The following HDGFL3 variants were observed in gnomAD, a reference collection of about 807,000 sequenced individuals.
HDGFL3 encodes HDGF like 3.
Under a neutral mutation model 27.6 loss-of-function variants are expected in HDGFL3, and 6 were observed. The observed-to-expected ratio is 0.22, with a 90% CI of 0.12 to 0.43. HDGFL3 has a LOEUF of 0.43. HDGFL3 is among the 20% of genes least tolerant of loss of function. The pLI is 1.00. For missense variants in HDGFL3, 207 were observed against 250.1 expected, an observed-to-expected ratio of 0.83 and a Z score of 1.16; for synonymous variants, 88 against 88.9, an observed-to-expected ratio of 0.99 and a Z score of 0.05.
intron 3 of HDGFL3, chr15:83,119,805 T>A: frequency 1.4e-6 from 2 of 1,473,838 alleles, no homozygotes; most frequent in Non-Finnish European, 1.8e-6. Flanking sequence ...ATAAGTTCCA[T>A]GGGTGCACGT....
intron 1 of HDGFL3, among the ~76,000 whole-genome samples, chr15:83,191,468 A>G (rs1009591372): frequency 1.3e-5 from 2 of 152,226 alleles, no homozygotes; most frequent in African/African-American, 2.4e-5. Context: ...TAAGATGTCA[A>G]TTCTTCCCAT....
intron 1 of HDGFL3, among the ~76,000 whole-genome samples, chr15:83,204,051 G>A (rs779204083): frequency 2.0e-5 from 3 of 148,586 alleles, no homozygotes; most frequent in Non-Finnish European, 4.5e-5. Flanking sequence ...GCTATTTAAT[G>A]TTAGAATAAT....
chr15:83,207,198 C>T lies in HDGFL3; in HGVS notation c.84+133G>A. On this transcript the variant is annotated intron_variant, in intron 1 of 5. Coordinates refer to ENST00000299633, the MANE Select transcript of HDGFL3 (RefSeq NM_016073.4). The surrounding 1 kb of genome is among the most constrained non-coding windows in gnomAD (Gnocchi z 4.8). ...CGGCCCGGTCTTCTTCGTGCCGCGCCGCCCTCAGCCCTCACCACAGCCGGC... is the reference window on the plus strand; with the variant it reads ...CGGCCCGGTCTTCTTCGTGCCGCGCTGCCCTCAGCCCTCACCACAGCCGGC... 1.9e-6 allele frequency: 1 copy of T among 515,950 alleles called. No individual in the cohort carries two copies. The highest frequency in any genetic ancestry group is 3.0e-6 in the Non-Finnish European group (1 of 333,666). 32.0% of individuals were successfully genotyped at this position (515,950 alleles called of 1,614,324 possible).
At chr15:83,140,058 G>A (rs11858377) in intron 5 of HDGFL3, among the ~76,000 whole-genome samples, 37,746 of 151,918 alleles carry the variant, frequency 0.25, 5,023 homozygotes, top group African/African-American at 0.34. Context: ...TATTTTTTCT[G>A]AAAACAGCCT....
chr15:83,161,225 C>T (rs1477587686), intron 2 of HDGFL3, among the ~76,000 whole-genome samples: 1 of 152,140 alleles, frequency 6.6e-6, no homozygotes, highest in Non-Finnish European at 1.5e-5. Context: ...TTTTTTTGGG[C>T]AGGGGAGAAA....
At chr15:83,121,928 T>C in intron 3 of HDGFL3, 1 of 1,605,460 alleles carries the variant, frequency 6.2e-7, no homozygotes, top group Non-Finnish European at 8.5e-7. Context: ...CAGGGAAACT[T>C]ATAGAACCAT....
At chr15:83,175,655 C>T (rs747822143) in intron 1 of HDGFL3, among the ~76,000 whole-genome samples, 3 of 152,234 alleles carry the variant, frequency 2.0e-5, no homozygotes, top group Admixed American at 1.3e-4. Context: ...GTCAGGAGAT[C>T]GAGACCATCC....
intron 3 of HDGFL3, among the ~76,000 whole-genome samples, chr15:83,118,226 T>C (rs1272355643): frequency 1.4e-5 from 2 of 143,526 alleles, no homozygotes; most frequent in South Asian, 2.2e-4. Context: ...CCTGTCTCTG[T>C]ACGTACACAC....
chr15:83,116,273 A>G (rs1397547792), intron 3 of HDGFL3, among the ~76,000 whole-genome samples: 1 of 152,232 alleles, frequency 6.6e-6, no homozygotes, highest in African/African-American at 2.4e-5. Context: ...ATACATGACT[A>G]TCTCAGAAAC....
At chr15:83,124,829 A>G, downstream of HDGFL3, 3 of 1,395,684 alleles carry the variant, frequency 2.1e-6, no homozygotes, top group Non-Finnish European at 3.0e-6. Flanking sequence ...TCACATTTCC[A>G]AATGGAAAAA....
At chr15:83,178,593 G>C (rs2037341582) in intron 1 of HDGFL3, among the ~76,000 whole-genome samples, 1 of 152,106 alleles carries the variant, frequency 6.6e-6, no homozygotes, top group African/African-American at 2.4e-5. Context: ...GAGCCCAGGA[G>C]GTCAAGGCTG....
At position 83,207,511 on chromosome 15, in the gene HDGFL3, G is replaced by T; in HGVS notation, c.-97C>A. ...ACGAATTGCGCCGCGCTCCCCGCGG[G>T]CCTCAAGCCGGGCGGACGAGCGGCC... is the stretch of plus-strand genomic sequence containing the variant. On this transcript the variant is annotated 5_prime_UTR_variant, in exon 1 of 6. Transcript: ENST00000299633. The surrounding 1 kb of genome is among the most constrained non-coding windows in gnomAD (Gnocchi z 4.8). 2.0e-6 allele frequency: 2 copies of T among 994,192 alleles called. No individual in the cohort carries two copies. The highest frequency in any genetic ancestry group is 2.6e-6 in the Non-Finnish European group (2 of 769,774). The allele number at this position is 994,192 out of a possible 1,614,324, so 61.6% of individuals were successfully genotyped here.
chr15:83,117,265 C>T (rs1357132058), intron 3 of HDGFL3, among the ~76,000 whole-genome samples: 1 of 152,084 alleles, frequency 6.6e-6, no homozygotes, highest in East Asian at 1.9e-4. Flanking sequence ...CACCAATCTG[C>T]AAGGATGAGG....
rs57747226 is a variant in HDGFL3 at position 83,127,906 on chromosome 15, T to TA, written c.*11363dup. 3.7e-5 allele frequency: 6 copies of TA among 162,212 alleles called. No individual in the cohort carries two copies. Among genetic ancestry groups the TA allele is most frequent in the African/African-American group, 1.4e-4 (6 of 41,512 alleles). 10.0% of individuals were successfully genotyped at this position (162,212 alleles called of 1,614,324 possible). On this transcript the variant is annotated 3_prime_UTR_variant, in exon 6 of 6. Transcript: ENST00000299633. ...CTATACAGAACCAGGGAAACTGGTT[T>TA]AAAAAATGTTCTGGGCCTGTCATTT...
chr15:83,147,774 A>T (rs2036916429), intron 5 of HDGFL3, among the ~76,000 whole-genome samples: 1 of 152,224 alleles, frequency 6.6e-6, no homozygotes. Flanking sequence ...AAGTCTGATA[A>T]AGCTGACTAC....
Position 83,136,543 on chromosome 15 carries a change from T to C in HDGFL3, c.*2727A>G. ...GAACTGCTTATGTCTACAGAGTCCC[T>C]GAAGAAGCAAAAATCCTTTTTTTAG... On this transcript the variant is annotated 3_prime_UTR_variant, in exon 6 of 6. Coordinates refer to ENST00000299633, the MANE Select transcript of HDGFL3 (RefSeq NM_016073.4). 6.2e-7 allele frequency: 1 copy of C among 1,613,780 alleles called. No homozygotes were observed. The highest frequency in any genetic ancestry group is 8.5e-7 in the Non-Finnish European group (1 of 1,179,878).
chr15:83,159,711 T>G (rs1243111116), intron 2 of HDGFL3, among the ~76,000 whole-genome samples: 1 of 152,092 alleles, frequency 6.6e-6, no homozygotes, highest in Non-Finnish European at 1.5e-5. Context: ...AAAGAACAAG[T>G]TGAAGAAAGA....
chr15:83,182,843 T>C (rs1053634566), intron 1 of HDGFL3, among the ~76,000 whole-genome samples: 2 of 152,222 alleles, frequency 1.3e-5, no homozygotes, highest in Non-Finnish European at 2.9e-5. Context: ...ATTTACACTT[T>C]AAAATACATA....
At chr15:83,143,538 T>A (rs1004020487) in intron 5 of HDGFL3, among the ~76,000 whole-genome samples, 3 of 152,122 alleles carry the variant, frequency 2.0e-5, no homozygotes, top group African/African-American at 7.2e-5. Context: ...GCTAAGATCG[T>A]GCCACTGCAC....
Sources: allele counts gnomAD v4.1 joint callset (sites outside exome capture counted in the v4.1 genomes callset), GRCh38; gene constraint gnomAD v4.1.1; non-coding constraint Gnocchi (gnomAD v3.1); transcripts MANE v1.5; gene names NCBI Gene and HGNC (gene_info 2026-07-23, HGNC 2026-07-21).